Variants in OOEP observed in about 807,000 individuals in gnomAD.
OOEP encodes the protein oocyte expressed protein, also known as oocyte-expressed protein homolog.
OOEP carries 16 observed loss-of-function variants against 13.7 expected under a neutral mutation model. The ratio of observed to expected loss-of-function variants is 1.16; its 90% CI spans 0.79 to 1.77. OOEP has a LOEUF of 1.77. OOEP is among the 40% of genes most tolerant of loss of function. OOEP has a pLI of 0.00. For synonymous variants in OOEP, 89 were observed against 77.1 expected, an observed-to-expected ratio of 1.15 and a Z score of -0.81; for missense variants, 195 against 193.1, an observed-to-expected ratio of 1.01 and a Z score of -0.06.
upstream of OOEP, among the ~76,000 whole-genome samples, chr6:73,374,482 C>T (rs568612442): frequency 2.6e-5 from 4 of 152,220 alleles, no homozygotes; most frequent in Admixed American, 6.5e-5. Context: ...GTAAAGAAGG[C>T]TTAGATTCCA....
At chr6:73,385,822 G>A (rs971733128) in intron 2 of OOEP, among the ~76,000 whole-genome samples, 2 of 152,040 alleles carry the variant, frequency 1.3e-5, no homozygotes, top group African/African-American at 4.8e-5. Context: ...TACTGACCTG[G>A]TGATCTACCC....
At chr6:73,394,803 G>A (rs979109803) in exon 1 of OOEP, 19 of 1,521,948 alleles carry the variant, frequency 1.2e-5, no homozygotes, top group South Asian at 2.5e-5. Context: ...GGCTCCTTAA[G>A]TAGCGGCTGC....
intron 2 of OOEP, among the ~76,000 whole-genome samples, chr6:73,381,218 AAAAAAAAAAAGAAGAAG>A (rs1769205264): frequency 9.0e-6 from 1 of 111,544 alleles, no homozygotes; most frequent in African/African-American, 2.7e-5. Context: ...AAAAAAAAAA[AAAAAAAAAAAGAAGAAG>A]AAAAAGAAGA....
intron 2 of OOEP, among the ~76,000 whole-genome samples, chr6:73,384,861 T>G (rs1398333207): frequency 6.6e-6 from 1 of 151,754 alleles, no homozygotes; most frequent in East Asian, 2.0e-4. Flanking sequence ...CTCAACCTCC[T>G]GAGTAGCTGG....
At chr6:73,389,708 G>A (rs1292868972) in intron 2 of OOEP, among the ~76,000 whole-genome samples, 3 of 145,418 alleles carry the variant, frequency 2.1e-5, no homozygotes, top group African/African-American at 7.7e-5. Flanking sequence ...GTGGGGGGAG[G>A]GGGGAAGGGA....
At chr6:73,374,580 T>C (rs1769108944), upstream of OOEP, among the ~76,000 whole-genome samples, 1 of 152,184 alleles carries the variant, frequency 6.6e-6, no homozygotes, top group Non-Finnish European at 1.5e-5. Context: ...GTGATCATAG[T>C]CTGGAGTTTT....
At chr6:73,392,039 C>T (rs1200621602) in intron 2 of OOEP, among the ~76,000 whole-genome samples, 1 of 152,154 alleles carries the variant, frequency 6.6e-6, no homozygotes, top group Non-Finnish European at 1.5e-5. Flanking sequence ...ATTTTGGCCT[C>T]ATAGAATGAG....
chr6:73,384,407 A>G (rs1451439112), intron 2 of OOEP, among the ~76,000 whole-genome samples: 1 of 152,246 alleles, frequency 6.6e-6, no homozygotes, highest in East Asian at 1.9e-4. Context: ...TCCAAAAAAC[A>G]GAAGATGAAA....
intron 2 of OOEP, among the ~76,000 whole-genome samples, chr6:73,376,341 GTTGTTTTTTTT>G (rs1320615020): frequency 5.0e-4 from 34 of 67,918 alleles, no homozygotes; most frequent in African/African-American, 1.7e-3. Context: ...TGGACAAGGG[GTTGTTTTTTTT>G]TTTTTTTTTT....
chr6:73,385,075 G>A (rs1201837434), intron 2 of OOEP, among the ~76,000 whole-genome samples: 3 of 151,050 alleles, frequency 2.0e-5, no homozygotes, highest in East Asian at 4.1e-4. Flanking sequence ...GGCTGGGCGT[G>A]GTGGCTCACG....
upstream of OOEP, chr6:73,373,336 C>CT (rs909058780): frequency 2.1e-6 from 3 of 1,438,906 alleles, no homozygotes; most frequent in African/African-American, 4.2e-5. Context: ...CTTTTGTTTT[C>CT]TTTTTTGAGA....
chr6:73,383,219 T>C (rs1217724740), intron 2 of OOEP, among the ~76,000 whole-genome samples: 1 of 152,210 alleles, frequency 6.6e-6, no homozygotes, highest in Non-Finnish European at 1.5e-5. Flanking sequence ...AAGGGAATTG[T>C]AGAAACTGAT....
exon 1 of OOEP, chr6:73,394,799 T>C: frequency 6.6e-7 from 1 of 1,515,020 alleles, no homozygotes; most frequent in South Asian, 1.3e-5. Flanking sequence ...TGCGGGCTCC[T>C]TAAGTAGCGG....
chr6:73,388,074 G>A (rs1562280097), intron 2 of OOEP, among the ~76,000 whole-genome samples: 1 of 152,074 alleles, frequency 6.6e-6, no homozygotes, highest in Non-Finnish European at 1.5e-5. Flanking sequence ...GACAGATTTC[G>A]CCATGTTGGC....
rs1769170441 is a variant in OOEP, at chr6:73,379,265, C to A, written c.26-9880G>T. The stretch of plus-strand genomic sequence containing the variant: ...TCTCAAACTCCTGGGCTCAAGCAAT[C>A]CTCCTGCCTCAGCCTCCCAAAGTGC... On this transcript the variant is annotated intron_variant, in intron 2 of 3. Coordinates refer to the OOEP transcript ENST00000370363. 2.0e-5 allele frequency among the ~76,000 whole-genome samples: 3 copies of A among 150,692 alleles called. No homozygotes were observed. The South Asian group carries it at 6.4e-4, about 32-fold the overall frequency.
chr6:73,373,252 G>A (rs1484125650), upstream of OOEP: 7 of 1,611,540 alleles, frequency 4.3e-6, no homozygotes, highest in Admixed American at 1.7e-5. Flanking sequence ...TGAAAGTCTT[G>A]TGAGAAGACA....
In OOEP at chr6:73,369,868, G is replaced by A. The variant is rs2150778478; in HGVS notation, c.-76C>T. On this transcript the variant is annotated 5_prime_UTR_variant, in exon 1 of 3. Transcript: ENST00000370359. ...CTTCCAGACCCAGGCGCGAAGCTCG[G>A]GCTCTCTTTTACCATATTCGACCCG... is the stretch of plus-strand genomic sequence containing the variant. 7.1e-7 allele frequency: 1 copy of A among 1,402,956 alleles called. No homozygotes were observed. The highest frequency in any genetic ancestry group is 2.3e-5 in the East Asian group (1 of 43,636). The allele number at this position is 1,402,956 out of a possible 1,614,324, so 86.9% of individuals were successfully genotyped here.
rs70994194 is a variant in OOEP at position 73,376,344 on chromosome 6, G to GTTTTTTTTTTTT, written c.26-6971_26-6960dup. 1.3e-3 allele frequency among the ~76,000 whole-genome samples: 139 copies of GTTTTTTTTTTTT among 103,512 alleles called. 12 individuals are homozygous for GTTTTTTTTTTTT. Among genetic ancestry groups the GTTTTTTTTTTTT allele is most frequent in the African/African-American group, 2.3e-3 (57 of 25,244 alleles). The allele number at this position is 103,512 out of a possible 152,430, so 67.9% of individuals were successfully genotyped here. ...TCGCAGCTGTTTTGGACAAGGGGTTGTTTTTTTTTTTTTTTTTTTTTTTTT... is the reference window on the plus strand; with the variant it reads ...TCGCAGCTGTTTTGGACAAGGGGTTGTTTTTTTTTTTTTTTTTTTTTTTTTTTTTTTTTTTTT... On this transcript the variant is annotated intron_variant, in intron 2 of 3. Coordinates refer to the OOEP transcript ENST00000370363.
At chr6:73,384,309 C>T (rs986633532) in intron 2 of OOEP, among the ~76,000 whole-genome samples, 7 of 152,094 alleles carry the variant, frequency 4.6e-5, no homozygotes, top group East Asian at 3.9e-4. Flanking sequence ...ACAACATTTC[C>T]GACAAAGAAA....
Sources: allele counts gnomAD v4.1 joint callset (sites outside exome capture counted in the v4.1 genomes callset), GRCh38; gene constraint gnomAD v4.1.1; transcripts MANE v1.5; gene names NCBI Gene and HGNC (gene_info 2026-07-23, HGNC 2026-07-21).